The following PPP6R2 variants were observed in gnomAD, a reference collection of about 807,000 sequenced individuals.
The protein encoded by PPP6R2 is serine/threonine-protein phosphatase 6 regulatory subunit 2.
A neutral mutation model predicts 100.2 loss-of-function variants in PPP6R2; 62 were observed. That is an observed-to-expected ratio of 0.62 (90% confidence interval 0.50 to 0.76). The LOEUF (loss-of-function observed/expected upper bound fraction) is 0.76, where lower values mean the gene tolerates loss of function less well. Ranked by LOEUF, PPP6R2 falls within the 30% of genes least tolerant of loss-of-function variation. The pLI is 0.00. For missense variants in PPP6R2, 1,142 were observed against 1,276.3 expected, an observed-to-expected ratio of 0.89 and a Z score of 1.60; for synonymous variants, 525 against 514.7, an observed-to-expected ratio of 1.02 and a Z score of -0.27.
Position 50,435,055 on chromosome 22 carries a change from A to C in PPP6R2, c.1490A>C (p.Gln497Pro). Residue 497 changes from glutamine to proline, a missense_variant, in exon 13 of 24, where the codon CAG (glutamine) becomes CCG (proline). By Grantham distance (76) the Gln-to-Pro change is moderately conservative (BLOSUM62 -1). This residue lies in a region of PPP6R2 where 592 missense variants were observed against 758.9 expected (regional missense o/e 0.78). Coordinates refer to ENST00000612753, the MANE Select transcript of PPP6R2 (RefSeq NM_001242898.2). ...VVQNLERGPV[Q>P]THISEVIRGL... ...CAGAACCTGGAGCGGGGCCCTGTGC[A>C]GACGCACATCAGCGAGGTCATCCGA... 6.3e-7 allele frequency: 1 copy of C among 1,581,754 alleles called. No homozygotes were observed. The highest frequency in any genetic ancestry group is 8.6e-7 in the Non-Finnish European group (1 of 1,161,996).
chr22:50,393,230 G>A (rs2056018709), intron 2 of PPP6R2, among the ~76,000 whole-genome samples: 1 of 152,180 alleles, frequency 6.6e-6, no homozygotes, highest in African/African-American at 2.4e-5. Context: ...GTGTATGTGT[G>A]AGGAGGTGCC....
chr22:50,402,485 G>A (rs571522170), intron 3 of PPP6R2, among the ~76,000 whole-genome samples: 12 of 152,130 alleles, frequency 7.9e-5, no homozygotes, highest in African/African-American at 1.9e-4. Flanking sequence ...CTTACTGGCC[G>A]CCAAATCAGT....
intron 12 of PPP6R2, among the ~76,000 whole-genome samples, chr22:50,432,758 G>A (rs1338970628): frequency 2.6e-5 from 4 of 152,188 alleles, no homozygotes; most frequent in Non-Finnish European, 5.9e-5. Context: ...GCTTATTGTC[G>A]TGGGCCCAGA....
rs1241737620 is a variant in PPP6R2, at chr22:50,444,229, C to T, written c.2862C>T (p.Ala954=). 1 of 1,613,286 alleles carries T rather than the reference C, an allele frequency of 6.2e-7. No homozygotes were observed. Among genetic ancestry groups the T allele is most frequent in the Non-Finnish European group, 8.5e-7 (1 of 1,179,896 alleles). The change falls in exon 24 of 24, where the codon GCC becomes GCT. Residue 954 remains alanine, a synonymous_variant. Coordinates refer to ENST00000612753, the MANE Select transcript of PPP6R2 (RefSeq NM_001242898.2). The part of the protein sequence containing the change: ...GKTDAPPEGA[A]LNGPV ...CAGATGCCCCGCCAGAAGGAGCTGC[C>T]TTAAATGGCCCAGTGTGATGCTGCT...
Position 50,440,879 on chromosome 22 carries a change from T to C in PPP6R2, c.2432T>C (p.Leu811Pro), listed in dbSNP as rs750161143. 2.5e-6 allele frequency: 4 copies of C among 1,613,904 alleles called. No individual in the cohort carries two copies. The South Asian group carries it at 4.4e-5, about 18-fold the overall frequency. The change falls in exon 22 of 24, where the codon CTG becomes CCG. Residue 811 changes from leucine to proline, a missense_variant. By Grantham distance (98) the Leu-to-Pro change is moderately conservative. Transcript: ENST00000612753. ...NVCVTRKAPLLASDSSSSGGS... is the reference protein window; with the variant it reads ...NVCVTRKAPLPASDSSSSGGS... ...TGTGTCACCAGGAAGGCCCCCCTGCTGGCCTCTGACAGTAGCTCCTCTGGG... is the reference window on the plus strand; with the variant it reads ...TGTGTCACCAGGAAGGCCCCCCTGCCGGCCTCTGACAGTAGCTCCTCTGGG...
At position 50,439,612 on chromosome 22, in the gene PPP6R2, G is replaced by T; in HGVS notation, c.2129-89G>T. The T allele has an allele frequency of 2.9e-6, 4 of 1,398,180 alleles. No individual in the cohort carries two copies. The South Asian group carries it at 6.0e-5, about 21-fold the overall frequency. 86.6% of individuals were successfully genotyped at this position (1,398,180 alleles called of 1,614,324 possible). On this transcript the variant is annotated intron_variant, in intron 19 of 23. Transcript: ENST00000612753. ...GCCCCATCTTCCTGTCAACCTCTGAGGGGCTCCCGGGGCAGGGGCGCTGCC... is the reference window on the plus strand; with the variant it reads ...GCCCCATCTTCCTGTCAACCTCTGATGGGCTCCCGGGGCAGGGGCGCTGCC...
intron 1 of PPP6R2, among the ~76,000 whole-genome samples, chr22:50,366,224 C>T (rs905333604): frequency 6.6e-5 from 10 of 152,008 alleles, no homozygotes; most frequent in East Asian, 5.8e-4. Context: ...CTGAGCATTA[C>T]GTCCAAAGCC....
At chr22:50,355,521 G>A (rs1326315721) in intron 1 of PPP6R2, among the ~76,000 whole-genome samples, 1 of 143,316 alleles carries the variant, frequency 7.0e-6, no homozygotes, top group African/African-American at 2.6e-5. Flanking sequence ...GAGCCACTGC[G>A]CCCGGCCTTT....
chr22:50,390,215 C>T (rs2055177182), intron 2 of PPP6R2, among the ~76,000 whole-genome samples: 1 of 152,030 alleles, frequency 6.6e-6, no homozygotes, highest in Non-Finnish European at 1.5e-5. Context: ...TGGTCTCAAA[C>T]TCCTGACCTC....
intron 5 of PPP6R2, among the ~76,000 whole-genome samples, chr22:50,415,719 A>G (rs1009469757): frequency 6.6e-6 from 1 of 152,184 alleles, no homozygotes. Context: ...CTTCCTCAAC[A>G]TGGGAAGGCC....
intron 10 of PPP6R2, among the ~76,000 whole-genome samples, chr22:50,430,746 C>T (rs904268266): frequency 1.3e-5 from 2 of 151,918 alleles, no homozygotes; most frequent in African/African-American, 4.8e-5. Flanking sequence ...TGGTGGTGGG[C>T]ACCTGTAATC....
In PPP6R2 at chr22:50,440,853, G is replaced by A; in HGVS notation, c.2406G>A (p.Val802=). 1.2e-6 allele frequency: 2 copies of A among 1,613,840 alleles called. No individual in the cohort carries two copies. Among genetic ancestry groups the A allele is most frequent in the Non-Finnish European group, 1.7e-6 (2 of 1,180,014 alleles). The change falls in exon 22 of 24, where the codon GTG becomes GTA. Residue 802 remains valine, a synonymous_variant. Coordinates refer to ENST00000612753, the MANE Select transcript of PPP6R2 (RefSeq NM_001242898.2). ...FSPASPCAWN[V]CVTRKAPLLA... ...CGGCTTCTCCATGTGCCTGGAACGT[G>A]TGTGTCACCAGGAAGGCCCCCCTGC...
At chr22:50,341,918 A>G (rs1047118115), upstream of PPP6R2, among the ~76,000 whole-genome samples, 186 of 150,780 alleles carry the variant, frequency 1.2e-3, 1 homozygote, top group African/African-American at 4.3e-3. Flanking sequence ...GCGTGAACCC[A>G]GGAGGCGGAG....
chr22:50,341,059 C>T (rs537741817), upstream of PPP6R2, among the ~76,000 whole-genome samples: 2 of 152,066 alleles, frequency 1.3e-5, no homozygotes, highest in Non-Finnish European at 2.9e-5. Context: ...TGCAGGCGCC[C>T]GCCACCGCGC....
intron 2 of PPP6R2, among the ~76,000 whole-genome samples, chr22:50,375,253 C>T (rs1328185731): frequency 6.6e-6 from 1 of 152,074 alleles, no homozygotes; most frequent in Non-Finnish European, 1.5e-5. Context: ...CCCAGAAAAA[C>T]AGCCACAATT....
rs1406360122 is a variant in PPP6R2, at chr22:50,431,484, A to G, written c.1335+102A>G. 4.5e-6 allele frequency: 5 copies of G among 1,103,502 alleles called. No homozygotes were observed. The highest frequency in any genetic ancestry group is 1.6e-5 in the African/African-American group (1 of 64,068). The allele number at this position is 1,103,502 out of a possible 1,614,324, so 68.4% of individuals were successfully genotyped here. ...TGCCGGACCTCACTGTGCAGCTGAC[A>G]CGGGGGCAGGGCTTTGAAAAGGGTC... On this transcript the variant is annotated intron_variant, in intron 11 of 23. Coordinates refer to ENST00000612753, the MANE Select transcript of PPP6R2 (RefSeq NM_001242898.2). The surrounding 1 kb of genome is among the most constrained non-coding windows in gnomAD (Gnocchi z 4.8).
intron 1 of PPP6R2, 90 bp downstream of exon 1, chr22:50,343,640 C>T (rs2042691086): frequency 1.4e-5 from 2 of 138,146 alleles, no homozygotes; most frequent in Non-Finnish European, 3.1e-5. Context: ...GTGCCCCCTC[C>T]AGATAGTTAT....
At chr22:50,399,161 C>T (rs2057620044) in intron 3 of PPP6R2, among the ~76,000 whole-genome samples, 1 of 152,124 alleles carries the variant, frequency 6.6e-6, no homozygotes, top group African/African-American at 2.4e-5. Context: ...AGAGTAAGTG[C>T]ACTCCAGCCT....
Position 50,423,408 on chromosome 22 carries a change from C to G in PPP6R2, c.973-54C>G. On this transcript the variant is annotated intron_variant, in intron 9 of 23. Coordinates refer to ENST00000612753, the MANE Select transcript of PPP6R2 (RefSeq NM_001242898.2). The surrounding 1 kb of genome is among the most constrained non-coding windows in gnomAD (Gnocchi z 4.8). Reference sequence around the variant, plus strand: ...ATGGGCATGAGCCCAGAGACTCCAGCAGTGGCCTCACTGCTCACAGGGCCT... The same window carrying G: ...ATGGGCATGAGCCCAGAGACTCCAGGAGTGGCCTCACTGCTCACAGGGCCT... 4 of 1,606,210 alleles carry G rather than the reference C, an allele frequency of 2.5e-6. No individual in the cohort carries two copies. The highest frequency in any genetic ancestry group is 3.4e-6 in the Non-Finnish European group (4 of 1,174,000).
Sources: allele counts gnomAD v4.1 joint callset (sites outside exome capture counted in the v4.1 genomes callset), GRCh38; gene constraint gnomAD v4.1.1; regional missense constraint gnomAD v4.1.1; non-coding constraint Gnocchi (gnomAD v3.1); transcripts MANE v1.5; gene names NCBI Gene and HGNC (gene_info 2026-07-23, HGNC 2026-07-21).